ANGPT1: variants seen among roughly 807,000 people sequenced by gnomAD.
ANGPT1 encodes angiopoietin-1.
ANGPT1 carries 17 observed loss-of-function variants against 62.2 expected under a neutral mutation model. The ratio of observed to expected loss-of-function variants is 0.27; its 90% CI spans 0.19 to 0.41. The LOEUF is 0.41. Ranked by LOEUF, ANGPT1 falls within the 10% of genes least tolerant of loss-of-function variation. ANGPT1 has a pLI of 1.00. For missense variants in ANGPT1, 478 were observed against 594.9 expected, an observed-to-expected ratio of 0.80 and a Z score of 2.04; for synonymous variants, 199 against 198.9, an observed-to-expected ratio of 1.00 and a Z score of 0.00.
chr8:107,400,840 G>C (rs10101013), intron 1 of ANGPT1, among the ~76,000 whole-genome samples: 19 of 151,338 alleles, frequency 1.3e-4, no homozygotes, highest in African/African-American at 4.4e-4. Context: ...GATTACAAGC[G>C]TGAGCCACCG....
intron 1 of ANGPT1, among the ~76,000 whole-genome samples, chr8:107,409,759 G>T (rs924956059): frequency 2.0e-5 from 3 of 150,682 alleles, no homozygotes; most frequent in Admixed American, 6.6e-5. Context: ...ATTATCTTTA[G>T]CACTTTATTT....
intron 1 of ANGPT1, among the ~76,000 whole-genome samples, chr8:107,445,854 C>T (rs1055286114): frequency 6.6e-5 from 10 of 151,420 alleles, no homozygotes; most frequent in Admixed American, 2.0e-4. Flanking sequence ...GTATGCTACA[C>T]GTGGAAAGTA....
At chr8:107,374,752 T>C (rs757411622) in intron 1 of ANGPT1, among the ~76,000 whole-genome samples, 13 of 152,222 alleles carry the variant, frequency 8.5e-5, no homozygotes, top group Non-Finnish European at 1.6e-4. Context: ...TTTCCCAGAC[T>C]GACCTGATCC....
chr8:107,430,743 C>T (rs1174633546), intron 1 of ANGPT1, among the ~76,000 whole-genome samples: 2 of 152,044 alleles, frequency 1.3e-5, no homozygotes, highest in African/African-American at 2.4e-5. Flanking sequence ...CTCTAGAAGC[C>T]GAAAAAGACA....
chr8:107,340,931 G>A (rs997165571), intron 2 of ANGPT1, among the ~76,000 whole-genome samples: 52 of 152,130 alleles, frequency 3.4e-4, no homozygotes, highest in African/African-American at 1.2e-3. Context: ...TCTAACAGAA[G>A]AATTAAGGTT....
Position 107,378,274 on chromosome 8 carries a change from C to G in ANGPT1, c.298-31177G>C, listed in dbSNP as rs544112888. ...AGGAACCATATATTTTAATCTGCAACTGCCTCTGAAAATGTCTATTCACAT... is the reference window on the plus strand; with the variant it reads ...AGGAACCATATATTTTAATCTGCAAGTGCCTCTGAAAATGTCTATTCACAT... On this transcript the variant is annotated intron_variant, in intron 1 of 8. Transcript: ENST00000517746. Among the ~76,000 whole-genome samples, 11 of 152,192 alleles carry G rather than the reference C, an allele frequency of 7.2e-5. No individual in the cohort carries two copies. In the South Asian group the frequency reaches 2.3e-3, roughly 32 times the overall value.
rs746744100 is a variant in ANGPT1, at chr8:107,257,875, TGTTTC to T, written c.1337-5865_1337-5861del. ...CCTCTTCAGGCCAAGGACTTGTTTT[TGTTTC>T]TTTTTTGTTTGTTTGTTTGTTTGTT... On this transcript the variant is annotated intron_variant, in intron 8 of 8. Coordinates refer to ENST00000517746, the MANE Select transcript of ANGPT1 (RefSeq NM_001146.5). Among the ~76,000 whole-genome samples the T allele has an allele frequency of 2.2e-3, 130 of 59,782 alleles. 4 individuals are homozygous for T. Among genetic ancestry groups the T allele is most frequent in the Middle Eastern group, 9.8e-3 (1 of 102 alleles). 39.2% of individuals were successfully genotyped at this position (59,782 alleles called of 152,430 possible).
intron 1 of ANGPT1, among the ~76,000 whole-genome samples, chr8:107,494,350 A>G (rs1415186407): frequency 6.6e-6 from 1 of 152,206 alleles, no homozygotes; most frequent in Non-Finnish European, 1.5e-5. Flanking sequence ...ACAAAGACAC[A>G]GAGGCCAGCT....
chr8:107,334,040 T>TGAAGGAAGGAAGGAAGGAAGGAA (rs1815500038), intron 3 of ANGPT1, among the ~76,000 whole-genome samples: 1 of 144,466 alleles, frequency 6.9e-6, no homozygotes, highest in Admixed American at 6.9e-5. Context: ...GAAGGAAGGA[T>TGAAGGAAGGAAGGAAGGAAGGAA]GGATAAATAT....
chr8:107,478,677 T>A (rs950217831), intron 1 of ANGPT1, among the ~76,000 whole-genome samples: 1 of 152,184 alleles, frequency 6.6e-6, no homozygotes, highest in African/African-American at 2.4e-5. Context: ...AAATTATTCA[T>A]TGTGAATGTT....
intron 1 of ANGPT1, among the ~76,000 whole-genome samples, chr8:107,418,272 T>C (rs1237061504): frequency 1.3e-5 from 2 of 152,198 alleles, no homozygotes; most frequent in Non-Finnish European, 2.9e-5. Context: ...TTTACCATTT[T>C]CCATGACAAC....
intron 2 of ANGPT1, 87 bp from the exon 3 acceptor site, chr8:107,336,358 C>G (rs1815560762): frequency 2.0e-6 from 3 of 1,485,124 alleles, no homozygotes; most frequent in African/African-American, 1.4e-5. Context: ...AATATTTTTT[C>G]AAGAATAATT....
chr8:107,327,249 T>A (rs1336989741), intron 3 of ANGPT1, among the ~76,000 whole-genome samples: 2 of 152,120 alleles, frequency 1.3e-5, no homozygotes, highest in African/African-American at 4.8e-5. Context: ...CATATTTCAT[T>A]TTGTCCCTGA....
At chr8:107,336,092 A>G in intron 3 of ANGPT1, 58 bp downstream of exon 3, 1 of 1,479,088 alleles carries the variant, frequency 6.8e-7, no homozygotes. Context: ...GTTGGCAGAG[A>G]GGTGAAGGAT....
At chr8:107,416,928 A>C (rs1042467343) in intron 1 of ANGPT1, among the ~76,000 whole-genome samples, 1 of 151,246 alleles carries the variant, frequency 6.6e-6, no homozygotes, top group African/African-American at 2.4e-5. Flanking sequence ...AGTAGCTAGG[A>C]CTATAGGTAT....
intron 1 of ANGPT1, among the ~76,000 whole-genome samples, chr8:107,369,918 G>A (rs1312950488): frequency 1.3e-5 from 2 of 151,990 alleles, no homozygotes; most frequent in Admixed American, 1.3e-4. Context: ...TGGGAGGTTT[G>A]CTTGAGCCCA....
At chr8:107,316,542 C>A (rs1815018734) in intron 4 of ANGPT1, among the ~76,000 whole-genome samples, 1 of 152,152 alleles carries the variant, frequency 6.6e-6, no homozygotes, top group South Asian at 2.1e-4. Context: ...GGTAAAAGCA[C>A]CCATCTGGTC....
At chr8:107,340,994 T>C (rs536713125) in intron 2 of ANGPT1, among the ~76,000 whole-genome samples, 1 of 152,286 alleles carries the variant, frequency 6.6e-6, no homozygotes, top group East Asian at 1.9e-4. Flanking sequence ...TGCAAAATGA[T>C]TGAAGTAATT....
intron 7 of ANGPT1, among the ~76,000 whole-genome samples, chr8:107,275,646 G>A (rs1019046328): frequency 3.4e-4 from 52 of 152,108 alleles, no homozygotes; most frequent in Non-Finnish European, 6.5e-4. Flanking sequence ...ATGAACACAC[G>A]TATACATGAC....
Sources: allele counts gnomAD v4.1 joint callset (sites outside exome capture counted in the v4.1 genomes callset), GRCh38; gene constraint gnomAD v4.1.1; transcripts MANE v1.5; gene names NCBI Gene and HGNC (gene_info 2026-07-23, HGNC 2026-07-21).